Variants in ADGRG1 observed in about 807,000 individuals in gnomAD.
ADGRG1 encodes the protein adhesion G protein-coupled receptor G1, also known as 7-transmembrane protein with no EGF-like N-terminal domains-1.
In ADGRG1, 53 loss-of-function variants were observed where a neutral mutation model predicts 73.5. The observed-to-expected ratio is 0.72, with a 90% CI of 0.58 to 0.91. The LOEUF (loss-of-function observed/expected upper bound fraction) is 0.91. Ranked by LOEUF, ADGRG1 falls within the 40% of genes least tolerant of loss-of-function variation. The pLI, the probability that ADGRG1 is intolerant of heterozygous loss-of-function variation, is 0.00. For synonymous variants in ADGRG1, 394 were observed against 374.4 expected, an observed-to-expected ratio of 1.05 and a Z score of -0.60; for missense variants, 795 against 871.8, an observed-to-expected ratio of 0.91 and a Z score of 1.11.
At chr16:57,644,512 G>GCA (rs369501654) in intron 1 of ADGRG1, among the ~76,000 whole-genome samples, 11 of 143,056 alleles carry the variant, frequency 7.7e-5, no homozygotes, top group East Asian at 2.2e-4. Flanking sequence ...TCATGCATGG[G>GCA]CACACACACT....
intron 1 of ADGRG1, chr16:57,630,306 C>G (rs902760509): frequency 1.1e-6 from 1 of 926,182 alleles, no homozygotes; most frequent in Non-Finnish European, 1.3e-6. Flanking sequence ...AGGCAGGGGT[C>G]CTGTTGGGCT....
chr16:57,639,893 G>A, intron 1 of ADGRG1: 5 of 972,176 alleles, frequency 5.1e-6, no homozygotes, highest in Non-Finnish European at 6.1e-6. Flanking sequence ...GTGGCACTAG[G>A]GACCCTGGGG....
rs2036401600 is a variant in ADGRG1 at position 57,628,645 on chromosome 16, C to T, written c.-193C>T. 1 of 985,420 alleles carries T rather than the reference C, an allele frequency of 1.0e-6. No individual in the cohort carries two copies. The highest frequency in any genetic ancestry group is 1.2e-6 in the Non-Finnish European group (1 of 829,996). The allele number at this position is 985,420 out of a possible 1,614,324, so 61.0% of individuals were successfully genotyped here. A position where few individuals can be genotyped will look rare whatever the true frequency, so the allele number is the denominator to read the frequency against. On this transcript the variant is annotated 5_prime_UTR_variant, in exon 1 of 14. Transcript: ENST00000562631. ...CTCCCTCTCCGCACTAGCTGTCTGC[C>T]CTGCCCTGCCGTAGGAGATGGGCTG...
At chr16:57,646,225 C>A in intron 1 of ADGRG1, 1 of 238,324 alleles carries the variant, frequency 4.2e-6, no homozygotes, top group Non-Finnish European at 6.8e-6. Context: ...GCAGCGGTGA[C>A]TCGTGGCTCC....
At chr16:57,643,313 G>A (rs190706419) in intron 1 of ADGRG1, 16 of 152,614 alleles carry the variant, frequency 1.0e-4, no homozygotes, top group South Asian at 6.2e-4. Context: ...GGCCTCTTAA[G>A]CAAATGCCCA....
intron 9 of ADGRG1, 105 bp from the exon 10 acceptor site, chr16:57,657,268 C>T: frequency 6.4e-7 from 1 of 1,564,156 alleles, no homozygotes; most frequent in Non-Finnish European, 8.7e-7. Flanking sequence ...GGTTCTTAGG[C>T]TTCCGAGGCC....
rs1023495993 is a variant in ADGRG1 at position 57,636,764 on chromosome 16, G to A, written c.-36+7962G>A. The A allele has an allele frequency of 2.1e-5, 19 of 914,710 alleles. No homozygotes were observed. In the African/African-American group the frequency reaches 2.9e-4, roughly 14 times the overall value. 56.7% of individuals were successfully genotyped at this position (914,710 alleles called of 1,614,324 possible). ...TCACTGGGGATCTTCTATGGACCAGGCACTGTGCTAGGTACTGGAGATGCA... is the reference window on the plus strand; with the variant it reads ...TCACTGGGGATCTTCTATGGACCAGACACTGTGCTAGGTACTGGAGATGCA... On this transcript the variant is annotated intron_variant, in intron 1 of 13. Transcript: ENST00000562631.
At chr16:57,652,700 G>A (rs2044393336) in intron 3 of ADGRG1, 2 of 998,070 alleles carry the variant, frequency 2.0e-6, no homozygotes, top group Admixed American at 1.1e-4. Context: ...GGCACAGAAA[G>A]TATACCCTCC....
At position 57,641,288 on chromosome 16, in the gene ADGRG1, A is replaced by G. The variant is rs1391080690; in HGVS notation, c.-35-8965A>G. On this transcript the variant is annotated intron_variant, in intron 1 of 13. Transcript: ENST00000562631. ...TGCCACCCCTGCTCTAGGCATGTAC[A>G]TTCCCTGGGCAGGTACTGACTGGTG... 4 of 985,140 alleles carry G rather than the reference A, an allele frequency of 4.1e-6. No homozygotes were observed. The African/African-American group carries it at 5.2e-5, about 13-fold the overall frequency. The allele number at this position is 985,140 out of a possible 1,614,324, so 61.0% of individuals were successfully genotyped here. A position where few individuals can be genotyped will look rare whatever the true frequency, so the allele number is the denominator to read the frequency against.
intron 1 of ADGRG1, among the ~76,000 whole-genome samples, chr16:57,644,474 A>G (rs1182491359): frequency 2.1e-4 from 31 of 150,300 alleles, no homozygotes; most frequent in African/African-American, 7.3e-4. Flanking sequence ...GCACGGGCAC[A>G]CACACCCATG....
chr16:57,633,239 A>G (rs2038470564), intron 1 of ADGRG1: 2 of 828,754 alleles, frequency 2.4e-6, no homozygotes, highest in Non-Finnish European at 2.9e-6. Flanking sequence ...AGCACAGTGC[A>G]TGACTTCAAG....
chr16:57,644,954 TCA>T (rs767509374), intron 1 of ADGRG1: 28 of 432,222 alleles, frequency 6.5e-5, no homozygotes, highest in Non-Finnish European at 8.0e-5. Flanking sequence ...CACCCACTGA[TCA>T]CACACTCATG....
intron 1 of ADGRG1, chr16:57,636,268 A>G (rs2039342569): frequency 1.0e-6 from 1 of 985,340 alleles, no homozygotes; most frequent in South Asian, 4.7e-5. Context: ...TTCAGTGCTC[A>G]CAGATTCAGA....
chr16:57,632,962 A>G, intron 1 of ADGRG1: 3 of 985,186 alleles, frequency 3.0e-6, no homozygotes, highest in Non-Finnish European at 3.6e-6. Flanking sequence ...AACAAGGAAC[A>G]GTGAGATAGA....
intron 1 of ADGRG1, among the ~76,000 whole-genome samples, chr16:57,644,700 ACGGGCACACAC>A (rs2041991352): frequency 8.8e-6 from 1 of 113,430 alleles, no homozygotes; most frequent in African/African-American, 3.6e-5. Context: ...ACACACATGC[ACGGGCACACAC>A]TGATCACACG....
chr16:57,626,620 GC>G (rs1406991478), upstream of ADGRG1: 64 of 985,336 alleles, frequency 6.5e-5, no homozygotes, highest in Non-Finnish European at 7.5e-5. Flanking sequence ...GGCCAGAGTG[GC>G]AGCTGGCTCC....
chr16:57,650,118 G>A (rs1390066266), intron 1 of ADGRG1, 135 bp from the exon 2 acceptor site: 2 of 1,505,668 alleles, frequency 1.3e-6, no homozygotes, highest in East Asian at 2.5e-5. Context: ...GCTCTGGGGA[G>A]GTCCATGGGC....
intron 1 of ADGRG1, chr16:57,641,209 C>T: frequency 1.2e-6 from 1 of 855,042 alleles, no homozygotes; most frequent in Non-Finnish European, 1.4e-6. Context: ...GACAGGCTGG[C>T]CTCAAGATTC....
intron 1 of ADGRG1, among the ~76,000 whole-genome samples, chr16:57,649,030 C>T (rs1175202462): frequency 6.6e-6 from 1 of 152,194 alleles, no homozygotes; most frequent in Non-Finnish European, 1.5e-5. Flanking sequence ...TGGGATGGGT[C>T]AACACAGAGG....
Sources: gnomAD v4.1 joint callset for allele counts (sites outside exome capture counted in the v4.1 genomes callset) on GRCh38, gnomAD v4.1.1 for gene constraint, MANE v1.5 for transcripts, NCBI Gene and HGNC (gene_info 2026-07-23, HGNC 2026-07-21) for gene names.